The following HMGCLL1 variants were observed in gnomAD, a reference collection of about 807,000 sequenced individuals.
HMGCLL1 encodes 3-hydroxymethyl-3-methylglutaryl-CoA lyase, cytoplasmic.
A neutral mutation model predicts 39.1 loss-of-function variants in HMGCLL1; 36 were observed. That is an observed-to-expected ratio of 0.92 (90% CI 0.71 to 1.22). The LOEUF is 1.22. Among genes scored for constraint, HMGCLL1 ranks in the 50% most tolerant of loss-of-function variants. The pLI is 0.00. For missense variants in HMGCLL1, 451 were observed against 416.5 expected (o/e 1.08, Z -0.72); for synonymous variants, 149 against 144.0 (o/e 1.03, Z -0.25).
chr6:55,435,976 A>AGC (rs1581776976), intron 8 of HMGCLL1, among the ~76,000 whole-genome samples: 2 of 152,140 alleles, frequency 1.3e-5, no homozygotes, highest in East Asian at 3.9e-4. Context: ...GCATATCTTT[A>AGC]ATCTGACCCT....
intron 5 of HMGCLL1, among the ~76,000 whole-genome samples, chr6:55,505,084 AT>A (rs1245043767): frequency 1.3e-5 from 2 of 151,658 alleles, no homozygotes; most frequent in African/African-American, 2.4e-5. Context: ...TGTTGAGGTC[AT>A]TTTTTAATAG....
chr6:55,576,244 G>A (rs946521312), intron 1 of HMGCLL1, among the ~76,000 whole-genome samples: 3 of 152,134 alleles, frequency 2.0e-5, no homozygotes, highest in African/African-American at 2.4e-5. Flanking sequence ...AGTTGAGGGC[G>A]GAAGATTAAT....
the HMGCLL1 span, among the ~76,000 whole-genome samples, chr6:55,646,389 T>G: frequency 1.3e-4 from 19 of 151,898 alleles, no homozygotes; most frequent in Admixed American, 3.3e-4. Context: ...TCAAATTTAT[T>G]TATTTATTGT....
At chr6:55,567,258 C>A (rs1771263445) in intron 1 of HMGCLL1, among the ~76,000 whole-genome samples, 1 of 149,780 alleles carries the variant, frequency 6.7e-6, no homozygotes, top group Admixed American at 6.8e-5. Context: ...AGTGAGTGAA[C>A]CTCCAAACTC....
intron 7 of HMGCLL1, among the ~76,000 whole-genome samples, chr6:55,490,345 A>G (rs546332663): frequency 4.6e-5 from 7 of 152,258 alleles, no homozygotes; most frequent in South Asian, 2.1e-4. Context: ...GATTTACAAA[A>G]CACAACAACA....
At chr6:55,645,448 G>A in the HMGCLL1 span, among the ~76,000 whole-genome samples, 2 of 151,940 alleles carry the variant, frequency 1.3e-5, no homozygotes, top group Non-Finnish European at 2.9e-5. Context: ...CAATAACAGT[G>A]GTGAAAGTGG....
the HMGCLL1 span, among the ~76,000 whole-genome samples, chr6:55,611,270 G>C: frequency 3.3e-5 from 5 of 152,044 alleles, no homozygotes; most frequent in Non-Finnish European, 5.9e-5. Flanking sequence ...AGTGTTAAGA[G>C]GAAAATTTAT....
At chr6:55,627,080 C>T in the HMGCLL1 span, among the ~76,000 whole-genome samples, 1 of 139,258 alleles carries the variant, frequency 7.2e-6, no homozygotes, top group Non-Finnish European at 1.6e-5. Flanking sequence ...AAAAATACAA[C>T]CACTGAGGTG....
chr6:55,571,147 C>T (rs978511937), intron 1 of HMGCLL1, among the ~76,000 whole-genome samples: 3 of 152,178 alleles, frequency 2.0e-5, no homozygotes, highest in Non-Finnish European at 4.4e-5. Context: ...TGTCAAATAC[C>T]TATCCTTTTA....
the HMGCLL1 span, among the ~76,000 whole-genome samples, chr6:55,635,195 A>T: frequency 1.3e-5 from 2 of 152,162 alleles, no homozygotes; most frequent in Admixed American, 1.3e-4. Context: ...AAATAGAAAA[A>T]ATCAAGTATA....
At chr6:55,608,305 C>A in the HMGCLL1 span, among the ~76,000 whole-genome samples, 6 of 152,196 alleles carry the variant, frequency 3.9e-5, no homozygotes, top group Non-Finnish European at 8.8e-5. Flanking sequence ...AACACTCTTG[C>A]ACTTGACTCT....
the HMGCLL1 span, among the ~76,000 whole-genome samples, chr6:55,631,723 C>T: frequency 6.6e-6 from 1 of 152,066 alleles, no homozygotes; most frequent in Non-Finnish European, 1.5e-5. Context: ...TTACTGGGCA[C>T]CTTCTCCACA....
the HMGCLL1 span, among the ~76,000 whole-genome samples, chr6:55,594,944 T>C: frequency 3.9e-5 from 6 of 152,216 alleles, no homozygotes; most frequent in Non-Finnish European, 8.8e-5. Flanking sequence ...TTGTGTTTCT[T>C]TAAAAAAATA....
At chr6:55,539,496 T>C (rs1274487070) in intron 3 of HMGCLL1, among the ~76,000 whole-genome samples, 1 of 152,088 alleles carries the variant, frequency 6.6e-6, no homozygotes, top group Non-Finnish European at 1.5e-5. Flanking sequence ...TACCATGGAA[T>C]ACTATACAGC....
chr6:55,614,049 T>C, the HMGCLL1 span, among the ~76,000 whole-genome samples: 8 of 152,298 alleles, frequency 5.3e-5, no homozygotes, highest in East Asian at 1.5e-3. Flanking sequence ...TTTAATGTCA[T>C]TTTTTCTAAA....
chr6:55,587,123 T>A, the HMGCLL1 span, among the ~76,000 whole-genome samples: 11 of 152,292 alleles, frequency 7.2e-5, no homozygotes, highest in East Asian at 2.1e-3. Flanking sequence ...GTGGTTTCGA[T>A]TTGCATTTCT....
the HMGCLL1 span, among the ~76,000 whole-genome samples, chr6:55,588,946 G>A: frequency 2.0e-5 from 3 of 152,086 alleles, no homozygotes; most frequent in Non-Finnish European, 4.4e-5. Flanking sequence ...TCCAGGACCA[G>A]ATGGATTCAC....
chr6:55,476,472 T>C (rs1765291589), intron 7 of HMGCLL1, among the ~76,000 whole-genome samples: 1 of 151,704 alleles, frequency 6.6e-6, no homozygotes, highest in Non-Finnish European at 1.5e-5. Flanking sequence ...ATAACTTATG[T>C]TGGAAGTTTG....
chr6:55,437,239 G>A lies in HMGCLL1; in HGVS notation c.922-1476C>T, dbSNP rs574581745. On this transcript the variant is annotated intron_variant, in intron 8 of 8. Coordinates refer to ENST00000274901, the MANE Select transcript of HMGCLL1 (RefSeq NM_001042406.2). ...TTTGTCGGGTGCTTAAATATGTCTC[G>A]TATACTATGATAGATTCTGGAGTTT... 2.2e-4 allele frequency among the ~76,000 whole-genome samples: 34 copies of A among 152,014 alleles called. No homozygotes were observed. The East Asian group carries it at 5.8e-3, about 26-fold the overall frequency.
Sources: allele counts gnomAD v4.1 joint callset (sites outside exome capture counted in the v4.1 genomes callset), GRCh38; gene constraint gnomAD v4.1.1; transcripts MANE v1.5; gene names NCBI Gene and HGNC (gene_info 2026-07-23, HGNC 2026-07-21).